Variants in KALRN observed in about 807,000 individuals in gnomAD.
KALRN encodes kalirin.
KALRN carries 70 observed loss-of-function variants against 353.7 expected under a neutral mutation model. The ratio of observed to expected loss-of-function variants is 0.20; its 90% CI spans 0.16 to 0.24. The LOEUF (loss-of-function observed/expected upper bound fraction) is 0.24, where lower values mean the gene tolerates loss of function less well. Ranked by LOEUF, KALRN falls within the 10% of genes least tolerant of loss-of-function variation. KALRN has a pLI of 1.00. For synonymous variants in KALRN, 1,391 were observed against 1,434.8 expected (o/e 0.97, Z 0.69); for missense variants, 2,791 against 3,756.7 (o/e 0.74, Z 6.72).
chr3:124,576,312 C>G (rs1436038923), intron 34 of KALRN, among the ~76,000 whole-genome samples: 1 of 152,056 alleles, frequency 6.6e-6, no homozygotes, highest in Admixed American at 6.6e-5. Context: ...GCCCTATCCC[C>G]AGCATCTAAA....
intron 33 of KALRN, chr3:124,562,614 A>T: frequency 2.1e-4 from 73 of 350,292 alleles, no homozygotes; most frequent in East Asian, 4.6e-4. Flanking sequence ...ATTGAATAGC[A>T]CTGTGCTAAT....
intron 5 of KALRN, among the ~76,000 whole-genome samples, chr3:124,297,500 A>G (rs1315841882): frequency 6.6e-6 from 1 of 152,232 alleles, no homozygotes; most frequent in Non-Finnish European, 1.5e-5. Context: ...CACACTGGAA[A>G]TGGTTGAGTT....
chr3:124,084,946 T>G (rs2060729909), intron 1 of KALRN, among the ~76,000 whole-genome samples: 1 of 152,168 alleles, frequency 6.6e-6, no homozygotes. Flanking sequence ...GAGGGCCCCC[T>G]TCCCCTCCCT....
intron 13 of KALRN, among the ~76,000 whole-genome samples, chr3:124,400,136 T>C (rs996136582): frequency 6.8e-6 from 1 of 147,330 alleles, no homozygotes. Context: ...TTAGAAGGAA[T>C]TTTTTTTTTA....
At chr3:124,633,201 A>G (rs1332507104) in intron 35 of KALRN, among the ~76,000 whole-genome samples, 1 of 152,230 alleles carries the variant, frequency 6.6e-6, no homozygotes, top group African/African-American at 2.4e-5. Context: ...TTCCGCTCAA[A>G]GAAAAAGTTT....
Position 124,637,034 on chromosome 3 carries a change from G to A in KALRN, c.5569-174G>A, listed in dbSNP as rs115395904. The A allele has an allele frequency of 3.0e-3, 1,831 of 612,180 alleles. 19 individuals carry two copies. Among genetic ancestry groups the A allele is most frequent in the African/African-American group, 0.025 (1,372 of 54,920 alleles). The allele number at this position is 612,180 out of a possible 1,614,324, so 37.9% of individuals were successfully genotyped here. On this transcript the variant is annotated intron_variant, in intron 36 of 59. Transcript: ENST00000682506. ...GCTAGAATTCCTAATAAGGGGTTGG[G>A]CAGGCCTGTATGTATTACACCCACA...
chr3:124,096,316 T>C (rs1450971271), intron 1 of KALRN: 3 of 152,232 alleles, frequency 2.0e-5, no homozygotes, highest in Admixed American at 1.3e-4. Flanking sequence ...CTTATCCCAG[T>C]GCATGGCACA....
chr3:124,661,411 A>G (rs1334461426), intron 44 of KALRN, among the ~76,000 whole-genome samples: 1 of 152,228 alleles, frequency 6.6e-6, no homozygotes, highest in Admixed American at 6.5e-5. Context: ...CTTTGAGACA[A>G]TGTCACTATG....
chr3:124,631,339 G>A (rs893561640), intron 34 of KALRN, among the ~76,000 whole-genome samples: 10 of 152,092 alleles, frequency 6.6e-5, no homozygotes, highest in African/African-American at 2.4e-4. Flanking sequence ...CAGACTTGAA[G>A]GCAAGCTGCT....
intron 29 of KALRN, 136 bp downstream of exon 29, chr3:124,488,451 G>A (rs2062794784): frequency 1.5e-6 from 1 of 658,620 alleles, no homozygotes; most frequent in African/African-American, 1.8e-5. Flanking sequence ...TAGTTACATA[G>A]GCCCTTGTCA....
intron 1 of KALRN, among the ~76,000 whole-genome samples, chr3:124,089,052 T>C (rs148625097): frequency 1.5e-4 from 22 of 151,686 alleles, no homozygotes; most frequent in Middle Eastern, 3.4e-3. Context: ...GAAAAAAAAA[T>C]ACCCGAGGGA....
At chr3:124,309,247 T>C (rs927021323) in intron 6 of KALRN, among the ~76,000 whole-genome samples, 1 of 145,128 alleles carries the variant, frequency 6.9e-6, no homozygotes, top group Non-Finnish European at 1.5e-5. Flanking sequence ...TTTGTAAGCT[T>C]ATATTAAAAA....
intron 34 of KALRN, among the ~76,000 whole-genome samples, chr3:124,623,850 A>G (rs2079608237): frequency 6.6e-6 from 1 of 152,200 alleles, no homozygotes; most frequent in African/African-American, 2.4e-5. Flanking sequence ...GACACAGACA[A>G]TGGACTGGTT....
chr3:124,179,797 G>A (rs1008967007), intron 1 of KALRN, among the ~76,000 whole-genome samples: 1 of 152,188 alleles, frequency 6.6e-6, no homozygotes, highest in Non-Finnish European at 1.5e-5. Flanking sequence ...TTGTTATGCG[G>A]TGCATGGCTA....
intron 1 of KALRN, among the ~76,000 whole-genome samples, chr3:124,049,677 A>G (rs985261639): frequency 1.3e-5 from 2 of 152,196 alleles, no homozygotes; most frequent in African/African-American, 4.8e-5. Flanking sequence ...AGCACTAGAA[A>G]TGGAGTGAAA....
intron 2 of KALRN, among the ~76,000 whole-genome samples, chr3:124,230,565 T>C (rs1350672049): frequency 1.3e-5 from 2 of 152,108 alleles, no homozygotes; most frequent in African/African-American, 2.4e-5. Context: ...ATGGAGCTCA[T>C]AGAAGCAACG....
chr3:124,131,778 T>C (rs1022899838), intron 1 of KALRN, among the ~76,000 whole-genome samples: 2 of 152,144 alleles, frequency 1.3e-5, no homozygotes, highest in African/African-American at 4.8e-5. Context: ...GGTGAAGCCC[T>C]TGGACTACTG....
rs771268887 is a variant in KALRN at position 124,413,528 on chromosome 3, A to G, written c.2405A>G (p.Asn802Ser). The G allele has an allele frequency of 3.1e-6, 5 of 1,614,200 alleles. No individual in the cohort carries two copies. Among genetic ancestry groups the G allele is most frequent in the South Asian group, 1.1e-5 (1 of 91,082 alleles). Residue 802 changes from asparagine (N) to serine (S), a missense_variant, in exon 14 of 60, where the codon AAC becomes AGC. Asn to Ser is a conservative substitution (Grantham distance 46). Transcript: ENST00000682506. The part of the protein sequence containing the change: ...EDLLRQMNDF[N>S]TEDLTLAEQR... ...TTGCTTCGGCAGATGAATGACTTCAACACAGAGGACCTAACCCTGGCAGAA... is the reference window on the plus strand; with the variant it reads ...TTGCTTCGGCAGATGAATGACTTCAGCACAGAGGACCTAACCCTGGCAGAA...
chr3:124,068,778 GA>G (rs959141694), intron 1 of KALRN, among the ~76,000 whole-genome samples: 5 of 149,098 alleles, frequency 3.4e-5, no homozygotes, highest in South Asian at 2.1e-4. Context: ...TTTACAAAAA[GA>G]AAAAAAAAAT....
Sources: allele counts gnomAD v4.1 joint callset (sites outside exome capture counted in the v4.1 genomes callset), GRCh38; gene constraint gnomAD v4.1.1; transcripts MANE v1.5; gene names NCBI Gene and HGNC (gene_info 2026-07-23, HGNC 2026-07-21).